Variants in RGS6 observed in about 807,000 individuals in gnomAD.
The protein encoded by RGS6 is regulator of G protein signaling 6.
Under a neutral mutation model 78.5 loss-of-function variants are expected in RGS6, and 30 were observed. That is an observed-to-expected ratio of 0.38 (90% confidence interval 0.29 to 0.52). The LOEUF (loss-of-function observed/expected upper bound fraction) is 0.52, where lower values mean the gene tolerates loss of function less well. RGS6 is among the 20% of genes least tolerant of loss of function. The probability of loss-of-function intolerance (pLI) is 0.85; values close to 1 mark genes in which losing one functional copy is unlikely to be tolerated. For missense variants in RGS6, 495 were observed against 609.7 expected (o/e 0.81, Z 1.98); for synonymous variants, 206 against 206.0 (o/e 1.00, Z 0.00).
At chr14:71,931,231 C>G (rs2239270), upstream of RGS6, among the ~76,000 whole-genome samples, 13,185 of 152,076 alleles carry the variant, frequency 0.087, 785 homozygotes, top group East Asian at 0.2. Flanking sequence ...GGTATGGTTT[C>G]TCTTGGTTGC....
At chr14:71,967,372 T>C (rs553507804) in intron 2 of RGS6, among the ~76,000 whole-genome samples, 3 of 152,266 alleles carry the variant, frequency 2.0e-5, no homozygotes, top group Admixed American at 6.5e-5. Flanking sequence ...ACTTGAACTA[T>C]GGGATTTTCA....
At chr14:71,980,451 G>A (rs1405798927) in intron 2 of RGS6, among the ~76,000 whole-genome samples, 1 of 146,814 alleles carries the variant, frequency 6.8e-6, no homozygotes, top group African/African-American at 2.5e-5. Context: ...TTTTAGGGCA[G>A]GCCTGGTGGT....
chr14:72,354,448 A>G (rs2079811753), intron 3 of RGS6, among the ~76,000 whole-genome samples: 1 of 149,504 alleles, frequency 6.7e-6, no homozygotes, highest in African/African-American at 2.5e-5. Context: ...CAACATGGCA[A>G]AACCCTGTCT....
chr14:72,249,016 C>G (rs1349999960), intron 2 of RGS6, among the ~76,000 whole-genome samples: 1 of 152,176 alleles, frequency 6.6e-6, no homozygotes, highest in Non-Finnish European at 1.5e-5. Flanking sequence ...AAAAAATAAT[C>G]TTCTCCTTCA....
intron 2 of RGS6, among the ~76,000 whole-genome samples, chr14:72,350,648 A>G (rs1035341773): frequency 2.0e-5 from 3 of 152,176 alleles, no homozygotes; most frequent in African/African-American, 7.2e-5. Context: ...TGTAACTCCA[A>G]TGAGTAGGGT....
chr14:72,472,908 T>C lies in RGS6; in HGVS notation c.573T>C (p.Ile191=), dbSNP rs775843954. ...DRKKDKTERK[I]LDSQERAFWD... ...AAAAAGACAAGACAGAAAGGAAAAT[T>C]TTGGATAGTCAAGAACGAGCCTTTT... Residue 191 remains isoleucine (I), a synonymous_variant, in exon 9 of 18, where the codon ATT becomes ATC. Coordinates refer to ENST00000553525, the MANE Select transcript of RGS6 (RefSeq NM_001204424.2). 4.3e-6 allele frequency: 7 copies of C among 1,613,420 alleles called. No individual in the cohort carries two copies. The Admixed American group carries it at 1.2e-4, about 27-fold the overall frequency.
chr14:72,346,739 T>C (rs556664678), intron 2 of RGS6, among the ~76,000 whole-genome samples: 4 of 152,366 alleles, frequency 2.6e-5, no homozygotes, highest in Admixed American at 6.5e-5. Context: ...ACACAGCATG[T>C]CAGAGAAGCT....
At chr14:72,611,185 C>T in the RGS6 span, among the ~76,000 whole-genome samples, 1 of 152,182 alleles carries the variant, frequency 6.6e-6, no homozygotes, top group African/African-American at 2.4e-5. Context: ...TCCCCCAAGC[C>T]CAGGCATTTT....
chr14:72,462,537 C>CT (rs112144622), intron 6 of RGS6, among the ~76,000 whole-genome samples: 6,987 of 152,226 alleles, frequency 0.046, 524 homozygotes, highest in African/African-American at 0.16. Context: ...TAAGTAAGGG[C>CT]TGTGACTTAG....
intron 2 of RGS6, among the ~76,000 whole-genome samples, chr14:72,073,624 A>G (rs1274595354): frequency 6.6e-6 from 1 of 152,166 alleles, no homozygotes; most frequent in Non-Finnish European, 1.5e-5. Context: ...CAGTTCACCT[A>G]ATGGGCACAG....
chr14:72,113,063 TAC>T (rs367599502), intron 2 of RGS6, among the ~76,000 whole-genome samples: 3 of 139,698 alleles, frequency 2.1e-5, no homozygotes, highest in Admixed American at 7.5e-5. Flanking sequence ...TTCCTACACT[TAC>T]ACACACACAC....
the RGS6 span, among the ~76,000 whole-genome samples, chr14:71,885,630 A>G: frequency 6.6e-6 from 1 of 152,206 alleles, no homozygotes; most frequent in Non-Finnish European, 1.5e-5. Flanking sequence ...GGATCTGAGG[A>G]ATAAAGATTG....
intron 2 of RGS6, among the ~76,000 whole-genome samples, chr14:72,295,793 C>T (rs909242342): frequency 2.6e-5 from 4 of 152,226 alleles, no homozygotes; most frequent in South Asian, 2.1e-4. Context: ...CTGCTATTAG[C>T]GTTTGTTACC....
intron 3 of RGS6, among the ~76,000 whole-genome samples, chr14:72,420,125 C>T (rs753916790): frequency 5.3e-5 from 8 of 152,198 alleles, no homozygotes; most frequent in Non-Finnish European, 2.9e-5. Flanking sequence ...GTACCAAGTT[C>T]GTGGCAGAAG....
chr14:71,968,699 A>C (rs1418389800), intron 2 of RGS6, among the ~76,000 whole-genome samples: 1 of 152,154 alleles, frequency 6.6e-6, no homozygotes, highest in East Asian at 1.9e-4. Flanking sequence ...ACCACAGACT[A>C]CTGTTACCAC....
intron 2 of RGS6, among the ~76,000 whole-genome samples, chr14:72,074,051 G>A (rs1344299128): frequency 6.6e-6 from 1 of 152,090 alleles, no homozygotes; most frequent in South Asian, 2.1e-4. Context: ...ATATCTGTTG[G>A]AATCATTTAA....
At chr14:72,036,200 A>ATATTATTATTAT (rs3053081) in intron 2 of RGS6, among the ~76,000 whole-genome samples, 7,719 of 146,708 alleles carry the variant, frequency 0.053, 254 homozygotes, top group East Asian at 0.1. Flanking sequence ...GCATGTAAAC[A>ATATTATTATTAT]TATTATTATT....
the RGS6 span, among the ~76,000 whole-genome samples, chr14:72,611,107 C>T: frequency 1.3e-5 from 2 of 152,302 alleles, no homozygotes; most frequent in African/African-American, 4.8e-5. Flanking sequence ...GGAGCCTTCC[C>T]TTGGGCCACC....
At chr14:72,085,852 T>TG (rs2095013891) in intron 2 of RGS6, among the ~76,000 whole-genome samples, 1 of 12,490 alleles carries the variant, frequency 8.0e-5, no homozygotes, top group Non-Finnish European at 1.6e-4. Context: ...AGACACCATC[T>TG]CAAAAAAAAA....
Sources: allele counts gnomAD v4.1 joint callset (sites outside exome capture counted in the v4.1 genomes callset), GRCh38; gene constraint gnomAD v4.1.1; transcripts MANE v1.5; gene names NCBI Gene and HGNC (gene_info 2026-07-23, HGNC 2026-07-21).